SMARCA2: variants seen among roughly 807,000 people sequenced by gnomAD.
SMARCA2 encodes the protein SWI/SNF related BAF chromatin remodeling complex subunit ATPase 2.
SMARCA2 carries 61 observed loss-of-function variants against 199.8 expected under a neutral mutation model. The ratio of observed to expected loss-of-function variants is 0.31; its 90% CI spans 0.25 to 0.38. The LOEUF (loss-of-function observed/expected upper bound fraction) is 0.38. Among genes scored for constraint, SMARCA2 ranks in the 10% least tolerant of loss-of-function variants. The probability of loss-of-function intolerance (pLI) is 1.00; values close to 1 mark genes in which losing one functional copy is unlikely to be tolerated. For synonymous variants in SMARCA2, 935 were observed against 732.0 expected (o/e 1.28, Z -4.48); for missense variants, 1,344 against 2,012.2 (o/e 0.67, Z 6.35).
intron 27 of SMARCA2, among the ~76,000 whole-genome samples, chr9:2,156,781 T>C (rs1455821152): frequency 6.6e-6 from 1 of 152,190 alleles, no homozygotes; most frequent in Non-Finnish European, 1.5e-5. Context: ...TACATTTACA[T>C]TGTTGTGCAA....
chr9:2,064,215 G>A (rs1015947471), intron 9 of SMARCA2, among the ~76,000 whole-genome samples: 2 of 152,178 alleles, frequency 1.3e-5, no homozygotes, highest in East Asian at 1.9e-4. Context: ...TGTCTGAGTC[G>A]TGTTAGCAGG....
At chr9:2,185,731 C>T (rs1827391398) in intron 31 of SMARCA2, among the ~76,000 whole-genome samples, 1 of 152,170 alleles carries the variant, frequency 6.6e-6, no homozygotes, top group African/African-American at 2.4e-5. Context: ...AGGGGCACTG[C>T]ATTTTAAAGA....
chr9:2,083,377 C>G lies in SMARCA2; in HGVS notation c.2379C>G (p.Asp793Glu). 6.2e-7 allele frequency: 1 copy of G among 1,604,166 alleles called. No individual in the cohort carries two copies. Among genetic ancestry groups the G allele is most frequent in the South Asian group, 1.1e-5 (1 of 90,272 alleles). Reference sequence around the variant, plus strand: ...TATCTAACTGGACATATGAATTTGACAAATGGGCTCCTTCTGTGGTGAAGA... The same window carrying G: ...TATCTAACTGGACATATGAATTTGAGAAATGGGCTCCTTCTGTGGTGAAGA... ...STLSNWTYEF[D>E]KWAPSVVKIS... The change falls in exon 16 of 34, where the codon GAC (aspartate) becomes GAG (glutamate). Residue 793 changes from aspartate (D) to glutamate (E), a missense_variant. Around this residue, in one of 18 missense-constraint regions of SMARCA2, gnomAD observed 50 missense variants for 81.6 expected, o/e 0.61. Transcript: ENST00000349721.
rs898862326 is a variant in SMARCA2 at position 2,039,557 on chromosome 9, A to G, written c.447A>G (p.Pro149=). ...SGGGPTPPQM[P]PSQPGALIPG... ...GAGGCCCAACTCCACCTCAGATGCC[A>G]CCAAGCCAGCCGGGGGCCCTCATCC... The change falls in exon 4 of 34, where the codon CCA becomes CCG. Residue 149 remains proline, a synonymous_variant. Transcript: ENST00000349721. This position sits in a 1 kb window ranked among gnomAD's most constrained non-coding sequence, Gnocchi z 4.8. 7 of 1,614,104 alleles carry G rather than the reference A, an allele frequency of 4.3e-6. No individual in the cohort carries two copies. In the East Asian group the frequency reaches 1.6e-4, roughly 36 times the overall value.
At chr9:2,157,000 G>A (rs545148671) in intron 27 of SMARCA2, among the ~76,000 whole-genome samples, 29 of 152,122 alleles carry the variant, frequency 1.9e-4, no homozygotes, top group African/African-American at 5.8e-4. Flanking sequence ...TTTCTAACAG[G>A]TTGCTTGTGG....
Position 2,147,485 on chromosome 9 carries a change from T to G in SMARCA2, c.3982-14201T>G, listed in dbSNP as rs79922543. ...AGATTGCCTCTTTGAGTAAACTGGC[T>G]AGAACACATAAATCACACATAATCT... On this transcript the variant is annotated intron_variant, in intron 27 of 33. Transcript: ENST00000349721. Among the ~76,000 whole-genome samples, 3 of 152,362 alleles carry G rather than the reference T, an allele frequency of 2.0e-5. No homozygotes were observed. The South Asian group carries it at 6.2e-4, about 32-fold the overall frequency.
At chr9:2,019,318 T>C (rs1818502056) in intron 1 of SMARCA2, among the ~76,000 whole-genome samples, 1 of 152,172 alleles carries the variant, frequency 6.6e-6, no homozygotes, top group African/African-American at 2.4e-5. Flanking sequence ...CTTATATCAG[T>C]AACAGCCCAG....
chr9:2,148,143 G>C (rs573994960), intron 27 of SMARCA2, among the ~76,000 whole-genome samples: 1 of 151,744 alleles, frequency 6.6e-6, no homozygotes, highest in African/African-American at 2.4e-5. Flanking sequence ...GTCTTGTATT[G>C]TTCATGCTCT....
intron 29 of SMARCA2, among the ~76,000 whole-genome samples, chr9:2,176,697 C>T (rs888658819): frequency 7.3e-5 from 11 of 150,626 alleles, no homozygotes; most frequent in Admixed American, 2.7e-4. Context: ...GGACTACAGG[C>T]ACATGCCACC....
At chr9:2,031,608 G>A (rs1395036509) in intron 2 of SMARCA2, among the ~76,000 whole-genome samples, 1 of 152,100 alleles carries the variant, frequency 6.6e-6, no homozygotes, top group Non-Finnish European at 1.5e-5. Context: ...TTCATTTTAT[G>A]TCCTAGCATT....
Position 2,086,951 on chromosome 9 carries a change from G to T in SMARCA2, c.2649G>T (p.Pro883=). The T allele has an allele frequency of 6.2e-7, 1 of 1,614,120 alleles. No individual in the cohort carries two copies. The highest frequency in any genetic ancestry group is 8.5e-7 in the Non-Finnish European group (1 of 1,179,998). Residue 883 remains proline, a synonymous_variant, in exon 18 of 34, where the codon CCG becomes CCT. Coordinates refer to ENST00000349721, the MANE Select transcript of SMARCA2 (RefSeq NM_003070.5). The surrounding 1 kb of genome is among the most constrained non-coding windows in gnomAD (Gnocchi z 4.3). ...GAAGGATCCTCTTGACTGGGACCCC[G>T]CTGCAGAATAAGCTCCCTGAACTCT... ...APRRILLTGT[P]LQNKLPELWA... is the part of the protein sequence containing the mutation.
chr9:2,187,483 A>T (rs545601966), intron 32 of SMARCA2, among the ~76,000 whole-genome samples: 2 of 152,220 alleles, frequency 1.3e-5, no homozygotes, highest in South Asian at 4.1e-4. Context: ...ACCAGCCTGG[A>T]TAACATAGCA....
In SMARCA2 at chr9:2,180,234, AT is replaced by A. The variant is rs60939055; in HGVS notation, c.4254-1335del. Reference sequence around the variant, plus strand: ...TCGTACTCATGAGGCCCATATGTGCATTAAAAAAATAAAACAAAAACGATGA... The same window carrying A: ...TCGTACTCATGAGGCCCATATGTGCATAAAAAAATAAAACAAAAACGATGA... On this transcript the variant is annotated intron_variant, in intron 29 of 33. Coordinates refer to ENST00000349721, the MANE Select transcript of SMARCA2 (RefSeq NM_003070.5). Among the ~76,000 whole-genome samples the A allele has an allele frequency of 9.7e-3, 1,473 of 152,256 alleles. 16 individuals carry two copies. The highest frequency in any genetic ancestry group is 0.03 in the African/African-American group (1,261 of 41,534).
Position 2,191,336 on chromosome 9 carries a change from G to T in SMARCA2, c.4665G>T (p.Lys1555Asn). 6.2e-7 allele frequency: 1 copy of T among 1,614,198 alleles called. No individual in the cohort carries two copies. The highest frequency in any genetic ancestry group is 1.6e-4 in the Middle Eastern group (1 of 6,062). ...DDKGRDKGKG[K>N]KRPNRGKAKP... ...AAGGCCGGGACAAAGGGAAAGGCAA[G>T]AAAAGGCCAAATCGAGGAAAAGCCA... The change falls in exon 33 of 34, where the codon AAG (lysine) becomes AAT (asparagine). Residue 1555 changes from lysine (K) to asparagine (N), a missense_variant. Transcript: ENST00000349721.
Position 2,086,010 on chromosome 9 carries a change from G to A in SMARCA2, c.2527-819G>A, listed in dbSNP as rs1466016671. 2 of 152,256 alleles carry A rather than the reference G, an allele frequency of 1.3e-5. No individual in the cohort carries two copies. The highest frequency in any genetic ancestry group is 2.4e-5 in the African/African-American group (1 of 41,440). 9.4% of individuals were successfully genotyped at this position (152,256 alleles called of 1,614,324 possible). A position where few individuals can be genotyped will look rare whatever the true frequency, so the allele number is the denominator to read the frequency against. On this transcript the variant is annotated intron_variant, in intron 17 of 33. Transcript: ENST00000349721. The surrounding 1 kb of genome is among the most constrained non-coding windows in gnomAD (Gnocchi z 4.3). ...ACTGGGCCATATAAGCATTCTGGACGTTTTACGCAATCGTCATGTTGGGGA... is the reference window on the plus strand; with the variant it reads ...ACTGGGCCATATAAGCATTCTGGACATTTTACGCAATCGTCATGTTGGGGA...
In SMARCA2 at chr9:2,104,090, T is replaced by C. The variant is rs1265679915; in HGVS notation, c.3213T>C (p.Leu1071=). 13 of 1,614,044 alleles carry C rather than the reference T, an allele frequency of 8.1e-6. No individual in the cohort carries two copies. The Admixed American group carries it at 2.0e-4, about 25-fold the overall frequency. The part of the protein sequence containing the change: ...KLRATNHRVL[L]FCQMTSLMTI... ...GAGCGACTAATCACCGAGTGCTGCT[T>C]TTCTGCCAGATGACATCTCTCATGA... is the stretch of plus-strand genomic sequence containing the variant. The change falls in exon 23 of 34, where the codon CTT becomes CTC. Residue 1071 remains leucine, a synonymous_variant. Coordinates refer to ENST00000349721, the MANE Select transcript of SMARCA2 (RefSeq NM_003070.5). The surrounding 1 kb of genome is among the most constrained non-coding windows in gnomAD (Gnocchi z 4.0).
chr9:2,177,234 G>A (rs959896957), intron 29 of SMARCA2, among the ~76,000 whole-genome samples: 1 of 152,132 alleles, frequency 6.6e-6, no homozygotes, highest in Non-Finnish European at 1.5e-5. Flanking sequence ...CTTCCCAAAC[G>A]ACTTTGCTAT....
At chr9:2,165,280 CATG>C (rs1302704774) in intron 28 of SMARCA2, among the ~76,000 whole-genome samples, 1 of 152,222 alleles carries the variant, frequency 6.6e-6, no homozygotes, top group Non-Finnish European at 1.5e-5. Context: ...AATTAGCTCT[CATG>C]AGACAGTTGT....
Position 2,148,422 on chromosome 9 carries a change from C to G in SMARCA2, c.3982-13264C>G, listed in dbSNP as rs938591415. 1.1e-4 allele frequency among the ~76,000 whole-genome samples: 17 copies of G among 151,256 alleles called. 1 individual carries two copies. Among genetic ancestry groups the G allele is most frequent in the African/African-American group, 4.1e-4 (17 of 41,322 alleles). On this transcript the variant is annotated intron_variant, in intron 27 of 33. Transcript: ENST00000349721. ...GATTTATTGACTATCAGTTGTATAC[C>G]CTCTAAAATTTTCTCTAGATACTCC...
Sources: gnomAD v4.1 joint callset for allele counts (sites outside exome capture counted in the v4.1 genomes callset) on GRCh38, gnomAD v4.1.1 for gene constraint, gnomAD v4.1.1 regional missense constraint, Gnocchi (gnomAD v3.1) non-coding constraint, MANE v1.5 for transcripts, NCBI Gene and HGNC (gene_info 2026-07-23, HGNC 2026-07-21) for gene names.